The following GPHN variants were observed in gnomAD, a reference collection of about 807,000 sequenced individuals.
GPHN encodes gephyrin.
A neutral mutation model predicts 95.5 loss-of-function variants in GPHN; 17 were observed. The observed-to-expected ratio is 0.18, with a 90% CI of 0.12 to 0.27. GPHN has a LOEUF of 0.27. GPHN is among the 10% of genes least tolerant of loss of function. The pLI is 1.00. For synonymous variants in GPHN, 320 were observed against 322.5 expected, an observed-to-expected ratio of 0.99 and a Z score of 0.08; for missense variants, 660 against 978.1, an observed-to-expected ratio of 0.67 and a Z score of 4.34.
intron 6 of GPHN, among the ~76,000 whole-genome samples, chr14:66,918,878 A>G (rs1164739009): frequency 6.6e-6 from 1 of 152,248 alleles, no homozygotes; most frequent in South Asian, 2.1e-4. Context: ...AAGATTAAAC[A>G]TCTTTCCCGA....
chr14:66,521,072 T>C (rs1348308751), intron 1 of GPHN, among the ~76,000 whole-genome samples: 1 of 152,194 alleles, frequency 6.6e-6, no homozygotes, highest in Non-Finnish European at 1.5e-5. Context: ...ATGATGTATG[T>C]ATACAAACCA....
At chr14:67,328,256 G>A in the GPHN span, among the ~76,000 whole-genome samples, 3 of 152,186 alleles carry the variant, frequency 2.0e-5, no homozygotes, top group African/African-American at 7.2e-5. Context: ...TTTTTCATGT[G>A]TCTGTTGGCT....
intron 10 of GPHN, among the ~76,000 whole-genome samples, chr14:67,041,785 A>C (rs1305285078): frequency 6.6e-6 from 1 of 152,160 alleles, no homozygotes; most frequent in Non-Finnish European, 1.5e-5. Flanking sequence ...TCTTTGATGA[A>C]TCGCCACACT....
intron 10 of GPHN, among the ~76,000 whole-genome samples, chr14:67,035,568 A>G (rs1230508257): frequency 1.3e-5 from 2 of 151,914 alleles, no homozygotes; most frequent in Non-Finnish European, 2.9e-5. Flanking sequence ...CTTCGGAAAT[A>G]GAGATGATAA....
At chr14:67,176,684 C>T (rs998092249) in intron 21 of GPHN, among the ~76,000 whole-genome samples, 1 of 152,092 alleles carries the variant, frequency 6.6e-6, no homozygotes, top group Non-Finnish European at 1.5e-5. Context: ...TCATAGAATT[C>T]GGCTGTGAGT....
intron 3 of GPHN, among the ~76,000 whole-genome samples, chr14:66,796,424 C>T (rs139197972): frequency 2.0e-5 from 3 of 151,976 alleles, no homozygotes; most frequent in African/African-American, 4.8e-5. Context: ...TTTAAAGAAA[C>T]CTCCAAACTA....
At chr14:67,223,871 A>G in the GPHN span, 60 of 985,782 alleles carry the variant, frequency 6.1e-5, no homozygotes, top group African/African-American at 9.8e-4. Flanking sequence ...CCTGTACCCC[A>G]AGAAAAGCAA....
chr14:67,594,190 A>C, the GPHN span, among the ~76,000 whole-genome samples: 1 of 152,206 alleles, frequency 6.6e-6, no homozygotes, highest in African/African-American at 2.4e-5. Flanking sequence ...TTCCAACTTT[A>C]GGGCCTAAAT....
At chr14:66,592,470 AC>A (rs36198474) in intron 1 of GPHN, among the ~76,000 whole-genome samples, 23,733 of 119,618 alleles carry the variant, frequency 0.2, 2,411 homozygotes, top group African/African-American at 0.46. Context: ...AAAAAAAAAA[AC>A]CCCGTCAAGA....
intron 2 of GPHN, among the ~76,000 whole-genome samples, chr14:66,711,353 C>G (rs527522412): frequency 6.6e-6 from 1 of 152,256 alleles, no homozygotes; most frequent in African/African-American, 2.4e-5. Context: ...ATCCAGGTCG[C>G]TATGAATGCC....
intron 2 of GPHN, among the ~76,000 whole-genome samples, chr14:66,708,432 G>C (rs2069300223): frequency 6.6e-6 from 1 of 152,112 alleles, no homozygotes; most frequent in Non-Finnish European, 1.5e-5. Flanking sequence ...ATGTGCTGTA[G>C]CTGAAAATCC....
intron 3 of GPHN, 117 bp downstream of exon 3, chr14:66,776,638 T>C: frequency 1.3e-6 from 1 of 752,364 alleles, no homozygotes. Context: ...TATTTAATTC[T>C]CAGTTATCAT....
intron 1 of GPHN, among the ~76,000 whole-genome samples, chr14:66,614,583 T>A (rs1431519242): frequency 6.6e-6 from 1 of 151,826 alleles, no homozygotes; most frequent in Non-Finnish European, 1.5e-5. Flanking sequence ...TTTAGCTTTT[T>A]TTTTTTTTTG....
chr14:66,797,790 C>T (rs2060210493), intron 3 of GPHN, among the ~76,000 whole-genome samples: 1 of 151,888 alleles, frequency 6.6e-6, no homozygotes, highest in Non-Finnish European at 1.5e-5. Flanking sequence ...TTTACTTCTT[C>T]CCTTTCAGTT....
At chr14:66,907,167 G>A (rs1038311840) in intron 5 of GPHN, among the ~76,000 whole-genome samples, 1 of 152,054 alleles carries the variant, frequency 6.6e-6, no homozygotes, top group South Asian at 2.1e-4. Context: ...CCAAAAGTTG[G>A]AATCAACCAA....
chr14:67,416,603 C>G, the GPHN span, among the ~76,000 whole-genome samples: 1 of 152,228 alleles, frequency 6.6e-6, no homozygotes, highest in African/African-American at 2.4e-5. Flanking sequence ...TCTGCTACAA[C>G]AGAAATGTAT....
At chr14:67,685,372 C>T in the GPHN span, among the ~76,000 whole-genome samples, 1 of 152,174 alleles carries the variant, frequency 6.6e-6, no homozygotes, top group Non-Finnish European at 1.5e-5. Context: ...TCTCACAGAT[C>T]TAAGAAGGCT....
the GPHN span, among the ~76,000 whole-genome samples, chr14:67,481,469 A>G: frequency 2.0e-5 from 3 of 152,208 alleles, no homozygotes; most frequent in African/African-American, 7.2e-5. Flanking sequence ...TGGTCCATGC[A>G]AGACCAACAG....
At chr14:66,522,240 C>T (rs182156226) in intron 1 of GPHN, among the ~76,000 whole-genome samples, 83 of 152,080 alleles carry the variant, frequency 5.5e-4, no homozygotes, top group Non-Finnish European at 7.9e-4. Flanking sequence ...AATATTTTAC[C>T]CATTTTTTAA....
Sources: allele counts gnomAD v4.1 joint callset (sites outside exome capture counted in the v4.1 genomes callset), GRCh38; gene constraint gnomAD v4.1.1; transcripts MANE v1.5; gene names NCBI Gene and HGNC (gene_info 2026-07-23, HGNC 2026-07-21).